The following YY1AP1 variants were observed in gnomAD, a reference collection of about 807,000 sequenced individuals.
YY1AP1 encodes the protein YY1-associated protein 1.
A neutral mutation model predicts 39.9 loss-of-function variants in YY1AP1; 43 were observed. The observed-to-expected ratio is 1.08, with a 90% CI of 0.84 to 1.39. YY1AP1 has a LOEUF of 1.39. Among genes scored for constraint, YY1AP1 ranks in the 40% most tolerant of loss-of-function variants. The pLI is 0.00. For missense variants in YY1AP1, 813 were observed against 900.7 expected (o/e 0.90, Z 1.25); for synonymous variants, 292 against 331.3 (o/e 0.88, Z 1.29).
At chr1:155,683,098 A>G (rs1453706528) in intron 2 of YY1AP1, among the ~76,000 whole-genome samples, 2 of 152,116 alleles carry the variant, frequency 1.3e-5, no homozygotes, top group Non-Finnish European at 2.9e-5. Context: ...AAAAAAAAAC[A>G]AAAAACAAAA....
intron 6 of YY1AP1, among the ~76,000 whole-genome samples, chr1:155,674,069 G>C (rs1163263220): frequency 1.4e-5 from 2 of 147,140 alleles, no homozygotes; most frequent in Non-Finnish European, 3.0e-5. Flanking sequence ...GCTGAGGCAA[G>C]AGAATGGCGT....
rs1652791473 is a variant in YY1AP1 at position 155,688,076 on chromosome 1, C to G, written c.-26G>C. The G allele has an allele frequency of 1.3e-6, 2 of 1,583,138 alleles. No homozygotes were observed. Among genetic ancestry groups the G allele is most frequent in the South Asian group, 2.3e-5 (2 of 87,532 alleles). ...GCCCAAATCGTTCTACTCACCGTGT[C>G]GGAGGCCGAGAGCGATGAGAGTACA... On this transcript the variant is annotated 5_prime_UTR_variant, in exon 2 of 11. Coordinates refer to ENST00000355499, the MANE Select transcript of YY1AP1 (RefSeq NM_139119.3).
At chr1:155,685,038 C>T (rs1290423571) in intron 2 of YY1AP1, among the ~76,000 whole-genome samples, 1 of 152,160 alleles carries the variant, frequency 6.6e-6, no homozygotes, top group East Asian at 1.9e-4. Flanking sequence ...TTTACATAAA[C>T]TCACTGTAGA....
At position 155,676,726 on chromosome 1, in the gene YY1AP1, T is replaced by A. The variant is rs755160939; in HGVS notation, c.146A>T (p.Asn49Ile). 1.9e-6 allele frequency: 3 copies of A among 1,613,992 alleles called. No homozygotes were observed. Among genetic ancestry groups the A allele is most frequent in the East Asian group, 4.5e-5 (2 of 44,890 alleles). Reference protein sequence around the residue: ...QALRFEELLANLLNEQHQIAK... With the variant: ...QALRFEELLAILLNEQHQIAK... ...TATCTGATGTTGTTCATTTAGTAGG[T>A]TGGCCAGTAGTTCCTCAAACCTATC... is the stretch of plus-strand genomic sequence containing the variant. Residue 49 changes from asparagine (N) to isoleucine (I), a missense_variant, in exon 5 of 11, where the codon AAC (asparagine) becomes ATC (isoleucine). Asn to Ile is a moderately radical substitution (Grantham distance 149). Transcript: ENST00000355499.
chr1:155,663,445 G>A (rs1206024564), intron 9 of YY1AP1, among the ~76,000 whole-genome samples: 2 of 151,900 alleles, frequency 1.3e-5, no homozygotes, highest in Non-Finnish European at 2.9e-5. Flanking sequence ...GATACGCCAG[G>A]CATGGTGGCC....
chr1:155,659,905 CAGAG>C lies in YY1AP1; in HGVS notation c.2001_2004del (p.Ser668LeufsTer35). 6.2e-7 allele frequency: 1 copy of C among 1,614,200 alleles called. No individual in the cohort carries two copies. Among genetic ancestry groups the C allele is most frequent in the Non-Finnish European group, 8.5e-7 (1 of 1,180,050 alleles). ...TGTTCCACTTTGGGGAAAACAGTAGCAGAGAGAGGAGATAGTTCCTGGGGCTCTA... is the reference window on the plus strand; with the variant it reads ...TGTTCCACTTTGGGGAAAACAGTAGCAGAGGAGATAGTTCCTGGGGCTCTA... On this transcript the variant is annotated frameshift_variant, in exon 11 of 11. Transcript: ENST00000355499. LOFTEE classifies it low-confidence loss of function (END_TRUNC).
Position 155,688,140 on chromosome 1 carries a change from G to T in YY1AP1, c.-90C>A. On this transcript the variant is annotated 5_prime_UTR_variant, in exon 2 of 11. Coordinates refer to ENST00000355499, the MANE Select transcript of YY1AP1 (RefSeq NM_139119.3). ...GAGGGGGTGGCCGCCAGGCTCCTCC[G>T]CTTCCCTGGGTCCACCGCGGATCCC... The T allele has an allele frequency of 6.2e-7, 1 of 1,612,990 alleles. No individual in the cohort carries two copies. The highest frequency in any genetic ancestry group is 1.1e-5 in the South Asian group (1 of 91,020).
At chr1:155,670,714 C>T (rs539672342) in intron 7 of YY1AP1, 3 of 391,686 alleles carry the variant, frequency 7.7e-6, no homozygotes, top group South Asian at 2.3e-5. Flanking sequence ...CTGGCTCTGT[C>T]GCCCAGACTG....
At chr1:155,680,522 T>A in intron 2 of YY1AP1, 66 bp from the exon 3 acceptor site, 1 of 1,351,844 alleles carries the variant, frequency 7.4e-7, no homozygotes, top group Non-Finnish European at 1.1e-6. Flanking sequence ...GAATTCCATG[T>A]AGACAATGTA....
chr1:155,675,531 G>T (rs1650519387), intron 5 of YY1AP1, among the ~76,000 whole-genome samples: 1 of 151,876 alleles, frequency 6.6e-6, no homozygotes, highest in African/African-American at 2.4e-5. Flanking sequence ...TCACCATGTT[G>T]GCCAGGCTTG....
At chr1:155,665,193 G>A (rs1216439314) in intron 9 of YY1AP1, among the ~76,000 whole-genome samples, 1 of 152,022 alleles carries the variant, frequency 6.6e-6, no homozygotes, top group Non-Finnish European at 1.5e-5. Context: ...TGAAGCAGGA[G>A]GATCACTTGA....
intron 2 of YY1AP1, among the ~76,000 whole-genome samples, chr1:155,685,044 G>T (rs1652029583): frequency 6.6e-6 from 1 of 152,142 alleles, no homozygotes; most frequent in Admixed American, 6.5e-5. Context: ...TAAACTCACT[G>T]TAGAGATACA....
chr1:155,688,139 C>G lies in YY1AP1; in HGVS notation c.-89G>C, dbSNP rs779915899. 1.2e-5 allele frequency: 19 copies of G among 1,612,870 alleles called. No individual in the cohort carries two copies. In the South Asian group the frequency reaches 1.9e-4, roughly 16 times the overall value. ...AGAGGGGGTGGCCGCCAGGCTCCTC[C>G]GCTTCCCTGGGTCCACCGCGGATCC... On this transcript the variant is annotated 5_prime_UTR_variant, in exon 2 of 11. Coordinates refer to ENST00000355499, the MANE Select transcript of YY1AP1 (RefSeq NM_139119.3).
intron 2 of YY1AP1, among the ~76,000 whole-genome samples, chr1:155,684,047 T>C (rs537828605): frequency 1.1e-4 from 16 of 152,148 alleles, no homozygotes; most frequent in Middle Eastern, 3.2e-3. Context: ...TAGGAGTTCG[T>C]GACCAGCCTG....
Position 155,681,700 on chromosome 1 carries a change from C to T in YY1AP1, c.-20-1244G>A, listed in dbSNP as rs151260533. Among the ~76,000 whole-genome samples the T allele has an allele frequency of 4.7e-3, 716 of 152,286 alleles. 6 individuals carry two copies. The highest frequency in any genetic ancestry group is 0.016 in the African/African-American group (674 of 41,566). On this transcript the variant is annotated intron_variant, in intron 2 of 10. Transcript: ENST00000355499. ...TCAGTGAATTAGAAGACCAAGAGAA[C>T]ATACTTAACAAATCTGTAGATGATG...
intron 2 of YY1AP1, among the ~76,000 whole-genome samples, chr1:155,682,727 A>T (rs1651696206): frequency 6.6e-6 from 1 of 152,206 alleles, no homozygotes; most frequent in African/African-American, 2.4e-5. Flanking sequence ...ATCCAATGGA[A>T]TTCCTGGATA....
Position 155,659,984 on chromosome 1 carries a change from A to C in YY1AP1, c.1926T>G (p.Ala642=), listed in dbSNP as rs765198878. 1.5e-5 allele frequency: 24 copies of C among 1,614,110 alleles called. No individual in the cohort carries two copies. Among genetic ancestry groups the C allele is most frequent in the Middle Eastern group, 3.3e-4 (2 of 6,084 alleles). ...CATTTTCCCCATCAGCCACAGCACA[A>C]GCAATGTCCACATTCATGTGGGCCT... ...EDKAHMNVDI[A]CAVADGENAF... The change falls in exon 11 of 11, where the codon GCT becomes GCG. Residue 642 remains alanine, a synonymous_variant. Coordinates refer to ENST00000355499, the MANE Select transcript of YY1AP1 (RefSeq NM_139119.3).
chr1:155,667,495 C>T (rs1649184749), intron 9 of YY1AP1, among the ~76,000 whole-genome samples: 2 of 147,808 alleles, frequency 1.4e-5, no homozygotes, highest in Non-Finnish European at 3.0e-5. Context: ...GAGAACCTGT[C>T]TCTAAAAAAA....
At chr1:155,682,450 T>A (rs1651656816) in intron 2 of YY1AP1, among the ~76,000 whole-genome samples, 1 of 152,134 alleles carries the variant, frequency 6.6e-6, no homozygotes, top group Admixed American at 6.5e-5. Context: ...ATCTACATAC[T>A]CTACATGTCA....
Sources: allele counts gnomAD v4.1 joint callset (sites outside exome capture counted in the v4.1 genomes callset), GRCh38; gene constraint gnomAD v4.1.1; transcripts MANE v1.5; gene names NCBI Gene and HGNC (gene_info 2026-07-23, HGNC 2026-07-21).